CHODL: variants seen among roughly 807,000 people sequenced by gnomAD.
CHODL encodes the protein chondrolectin.
CHODL carries 29 observed loss-of-function variants against 34.5 expected under a neutral mutation model. The observed-to-expected ratio is 0.84, with a 90% CI of 0.63 to 1.15. The LOEUF is 1.15. CHODL is among the 50% of genes most tolerant of loss of function. The pLI, the probability that CHODL is intolerant of heterozygous loss-of-function variation, is 0.00. For missense variants in CHODL, 332 were observed against 332.5 expected (o/e 1.00, Z 0.01); for synonymous variants, 125 against 116.1 (o/e 1.08, Z -0.49).
chr21:17,974,606 C>T (rs1189627951), intron 1 of CHODL, among the ~76,000 whole-genome samples: 2 of 151,952 alleles, frequency 1.3e-5, no homozygotes, highest in African/African-American at 4.8e-5. Context: ...ATTCAAATAA[C>T]CAATGTCTTT....
intron 2 of CHODL, among the ~76,000 whole-genome samples, chr21:18,108,849 G>A (rs950648676): frequency 1.3e-5 from 2 of 151,402 alleles, no homozygotes; most frequent in South Asian, 4.2e-4. Flanking sequence ...GTGTGTGTGT[G>A]TGTGTGTGTG....
At chr21:18,209,863 G>C (rs1312568877) in intron 2 of CHODL, among the ~76,000 whole-genome samples, 1 of 152,088 alleles carries the variant, frequency 6.6e-6, no homozygotes, top group Non-Finnish European at 1.5e-5. Flanking sequence ...GACTCTGCCT[G>C]GTGCCCTATT....
chr21:18,116,309 CTCTCTT>C (rs1460951172), intron 2 of CHODL, among the ~76,000 whole-genome samples: 1 of 152,044 alleles, frequency 6.6e-6, no homozygotes, highest in Non-Finnish European at 1.5e-5. Flanking sequence ...TTCTCTCTCT[CTCTCTT>C]TCTCTTTTCT....
At chr21:17,947,715 A>G (rs1311659919) in intron 1 of CHODL, among the ~76,000 whole-genome samples, 1 of 152,160 alleles carries the variant, frequency 6.6e-6, no homozygotes, top group Non-Finnish European at 1.5e-5. Context: ...CACTCTGGGA[A>G]TGTACCAGCT....
At chr21:18,045,276 C>T (rs1207399868) in intron 2 of CHODL, among the ~76,000 whole-genome samples, 1 of 151,858 alleles carries the variant, frequency 6.6e-6, no homozygotes, top group Non-Finnish European at 1.5e-5. Context: ...TATAAACATG[C>T]CCCAGACCTT....
intron 1 of CHODL, among the ~76,000 whole-genome samples, chr21:17,998,716 C>A (rs531862914): frequency 6.6e-6 from 1 of 152,340 alleles, no homozygotes; most frequent in East Asian, 1.9e-4. Flanking sequence ...CTACGTTGGC[C>A]CCTTTCAGCC....
intron 1 of CHODL, among the ~76,000 whole-genome samples, chr21:18,023,260 G>A (rs2146428134): frequency 6.6e-6 from 1 of 152,264 alleles, no homozygotes; most frequent in South Asian, 2.1e-4. Flanking sequence ...AGATTCCCCA[G>A]CTGGAGCTGC....
At chr21:17,977,389 GTC>G (rs1401550827) in intron 1 of CHODL, among the ~76,000 whole-genome samples, 1 of 145,830 alleles carries the variant, frequency 6.9e-6, no homozygotes, top group African/African-American at 2.5e-5. Context: ...TTGAGATGGA[GTC>G]TCTCTCGCTC....
At chr21:18,232,942 G>GAGAT (rs936769353) in intron 2 of CHODL, among the ~76,000 whole-genome samples, 2 of 119,424 alleles carry the variant, frequency 1.7e-5, no homozygotes. Context: ...ATGATGTTAT[G>GAGAT]ATATATATAT....
intron 2 of CHODL, among the ~76,000 whole-genome samples, chr21:18,100,205 T>C (rs933741053): frequency 2.0e-5 from 3 of 152,110 alleles, no homozygotes; most frequent in Non-Finnish European, 2.9e-5. Flanking sequence ...ATCTAACATG[T>C]TGAATCAACC....
chr21:18,026,861 T>A (rs1457831993), intron 1 of CHODL, among the ~76,000 whole-genome samples: 1 of 152,214 alleles, frequency 6.6e-6, no homozygotes, highest in African/African-American at 2.4e-5. Context: ...ACACAATCTT[T>A]ACTTTTTTTT....
At chr21:18,022,928 ACTC>A (rs2064141023) in intron 1 of CHODL, among the ~76,000 whole-genome samples, 1 of 152,002 alleles carries the variant, frequency 6.6e-6, no homozygotes, top group Non-Finnish European at 1.5e-5. Context: ...TGCTTTCTCC[ACTC>A]CTCTTAAGAG....
intron 2 of CHODL, among the ~76,000 whole-genome samples, chr21:18,060,148 G>A (rs566374605): frequency 2.8e-4 from 43 of 152,060 alleles, no homozygotes; most frequent in East Asian, 3.9e-4. Flanking sequence ...CTGAAGCCAC[G>A]GGGACACCTT....
At chr21:18,108,160 T>TC (rs1871410174) in intron 2 of CHODL, among the ~76,000 whole-genome samples, 1 of 146,628 alleles carries the variant, frequency 6.8e-6, no homozygotes, top group African/African-American at 2.5e-5. Context: ...TTTTTTTTTT[T>TC]TATCATTTAC....
chr21:17,978,507 A>G (rs1240850319), intron 1 of CHODL, among the ~76,000 whole-genome samples: 3 of 151,808 alleles, frequency 2.0e-5, no homozygotes, highest in South Asian at 4.2e-4. Context: ...TCATAAGGTC[A>G]GGAGATCGAG....
At chr21:18,136,120 A>AAAG (rs2072723226) in intron 2 of CHODL, among the ~76,000 whole-genome samples, 3 of 125,800 alleles carry the variant, frequency 2.4e-5, no homozygotes, top group African/African-American at 6.3e-5. Flanking sequence ...AAAAAAAAAG[A>AAAG]AAAAGAAAAA....
At chr21:18,244,483 G>A (rs1601192664), upstream of CHODL, among the ~76,000 whole-genome samples, 1 of 152,294 alleles carries the variant, frequency 6.6e-6, no homozygotes, top group South Asian at 2.1e-4. Context: ...ATATGATTAA[G>A]CAATTTAGCA....
intron 1 of CHODL, among the ~76,000 whole-genome samples, chr21:18,250,231 C>A (rs1157928397): frequency 6.6e-6 from 1 of 151,986 alleles, no homozygotes; most frequent in African/African-American, 2.4e-5. Flanking sequence ...AAAGCTAATT[C>A]ATTTTGATTG....
chr21:17,954,009 A>C (rs1243648996), intron 1 of CHODL, among the ~76,000 whole-genome samples: 3 of 151,998 alleles, frequency 2.0e-5, no homozygotes, highest in Non-Finnish European at 4.4e-5. Context: ...ACTCTGTCTC[A>C]AAAAAAATTT....
Sources: gnomAD v4.1 joint callset for allele counts (sites outside exome capture counted in the v4.1 genomes callset) on GRCh38, gnomAD v4.1.1 for gene constraint, MANE v1.5 for transcripts, NCBI Gene and HGNC (gene_info 2026-07-23, HGNC 2026-07-21) for gene names.